COQ8B: variants seen among roughly 807,000 people sequenced by gnomAD.
COQ8B encodes the protein coenzyme Q8B.
COQ8B carries 44 observed loss-of-function variants against 62.0 expected under a neutral mutation model. That is an observed-to-expected ratio of 0.71 (90% confidence interval 0.56 to 0.91). The LOEUF is 0.91. COQ8B is among the 40% of genes least tolerant of loss of function. The pLI is 0.00. For missense variants in COQ8B, 649 were observed against 731.6 expected (o/e 0.89, Z 1.30); for synonymous variants, 252 against 289.9 (o/e 0.87, Z 1.33).
Position 40,692,939 on chromosome 19 carries a change from G to A in COQ8B, c.1296+12C>T, listed in dbSNP as rs2081985585. 5 of 1,612,910 alleles carry A rather than the reference G, an allele frequency of 3.1e-6. No homozygotes were observed. The highest frequency in any genetic ancestry group is 3.4e-6 in the Non-Finnish European group (4 of 1,179,244). ...CAGACACCAGCCCCTTTCTCCCCCA[G>A]TGTCTCCCCACCTTGGTTTCAAAGC... is the stretch of plus-strand genomic sequence containing the variant. On this transcript the variant is annotated intron_variant, in intron 14 of 14. Coordinates refer to ENST00000324464, the MANE Select transcript of COQ8B (RefSeq NM_024876.4).
At chr19:40,699,029 G>T (rs562862043) in intron 12 of COQ8B, among the ~76,000 whole-genome samples, 1 of 150,686 alleles carries the variant, frequency 6.6e-6, no homozygotes, top group Admixed American at 6.6e-5. Context: ...GCCCAGGCTG[G>T]TTTTAAATTC....
At chr19:40,708,983 C>A (rs938595477) in intron 5 of COQ8B, among the ~76,000 whole-genome samples, 1 of 151,868 alleles carries the variant, frequency 6.6e-6, no homozygotes, top group Non-Finnish European at 1.5e-5. Context: ...TGCATAATAT[C>A]GTGAACACCT....
intron 12 of COQ8B, among the ~76,000 whole-genome samples, chr19:40,697,061 AT>A (rs368115549): frequency 6.7e-6 from 1 of 149,414 alleles, no homozygotes; most frequent in Non-Finnish European, 1.5e-5. Context: ...GTTGTTTCTG[AT>A]TTTTTTTCCT....
rs201750662 is a variant in COQ8B, at chr19:40,702,487, AAG to A, written c.893+111_893+112del. On this transcript the variant is annotated intron_variant, in intron 10 of 14. Transcript: ENST00000324464. ...GGATGGATGAACAATGATTGAAAGAAAGAGAGAGTTTGCCCTACCCCACAGCT... is the reference window on the plus strand; with the variant it reads ...GGATGGATGAACAATGATTGAAAGAAAGAGAGTTTGCCCTACCCCACAGCT... 39,229 of 949,872 alleles carry A rather than the reference AAG, an allele frequency of 0.041. 1,013 individuals are homozygous for A. Among genetic ancestry groups the A allele is most frequent in the Non-Finnish European group, 0.053 (31,387 of 587,990 alleles). The allele number at this position is 949,872 out of a possible 1,614,324, so 58.8% of individuals were successfully genotyped here.
intron 5 of COQ8B, among the ~76,000 whole-genome samples, chr19:40,706,748 C>T (rs1339960479): frequency 6.6e-6 from 1 of 152,232 alleles, no homozygotes; most frequent in Non-Finnish European, 1.5e-5. Context: ...GCGTAAGCCA[C>T]CGCACCTGGC....
Position 40,703,685 on chromosome 19 carries a change from G to A in COQ8B, c.717+30C>T, listed in dbSNP as rs760966177. 12 of 1,613,780 alleles carry A rather than the reference G, an allele frequency of 7.4e-6. 1 individual carries two copies. Among genetic ancestry groups the A allele is most frequent in the Middle Eastern group, 1.6e-4 (1 of 6,084 alleles). ...ACTTCTCTGGGCTAGCAGGGTGCCC[G>A]CCCCTACCCTGCCCAGCCTCCCCTC... is the stretch of plus-strand genomic sequence containing the variant. On this transcript the variant is annotated intron_variant, in intron 8 of 14. Coordinates refer to ENST00000324464, the MANE Select transcript of COQ8B (RefSeq NM_024876.4).
intron 13 of COQ8B, among the ~76,000 whole-genome samples, chr19:40,694,471 G>A (rs1466600170): frequency 6.6e-6 from 1 of 152,170 alleles, no homozygotes; most frequent in East Asian, 1.9e-4. Context: ...TCGTCACTGT[G>A]CTGCCCCCCG....
At chr19:40,710,748 C>T (rs891040015) in intron 4 of COQ8B, among the ~76,000 whole-genome samples, 5 of 152,180 alleles carry the variant, frequency 3.3e-5, no homozygotes, top group Non-Finnish European at 5.9e-5. Flanking sequence ...AGACTCCACT[C>T]CCCAAATTCT....
At chr19:40,712,427 A>AC (rs1312576255) in intron 4 of COQ8B, among the ~76,000 whole-genome samples, 18 of 151,674 alleles carry the variant, frequency 1.2e-4, no homozygotes, top group African/African-American at 4.4e-4. Flanking sequence ...AAAAAAAAAA[A>AC]AACAACAAAA....
chr19:40,706,335 C>T (rs188371401), intron 5 of COQ8B, among the ~76,000 whole-genome samples: 70 of 152,332 alleles, frequency 4.6e-4, no homozygotes, highest in African/African-American at 1.7e-3. Flanking sequence ...TTATTTTCCC[C>T]TTTCTGCTCT....
At position 40,694,809 on chromosome 19, in the gene COQ8B, C is replaced by T. The variant is rs537058968; in HGVS notation, c.1209+1180G>A. 5.3e-5 allele frequency among the ~76,000 whole-genome samples: 8 copies of T among 152,308 alleles called. No individual in the cohort carries two copies. The South Asian group carries it at 1.4e-3, about 28-fold the overall frequency. ...GTCTCAATGCTGACACTCCCTCCTC[C>T]GGGAAGCCCTCCTTGGCTCCCCAGG... On this transcript the variant is annotated intron_variant, in intron 13 of 14. Coordinates refer to ENST00000324464, the MANE Select transcript of COQ8B (RefSeq NM_024876.4).
Position 40,714,259 on chromosome 19 carries a change from TG to T in COQ8B, c.222+18del. ...GCAGTATTCGTGGGGTGTTGCTGGG[TG>T]GGTGGGGGTAATGATACCTGGGGCC... On this transcript the variant is annotated intron_variant, in intron 3 of 14. Coordinates refer to ENST00000324464, the MANE Select transcript of COQ8B (RefSeq NM_024876.4). The T allele has an allele frequency of 6.3e-7, 1 of 1,582,370 alleles. No homozygotes were observed. The highest frequency in any genetic ancestry group is 8.6e-7 in the Non-Finnish European group (1 of 1,160,238).
chr19:40,704,214 C>CT (rs2082083441), intron 7 of COQ8B: 1 of 184,922 alleles, frequency 5.4e-6, no homozygotes, highest in Admixed American at 5.7e-5. Context: ...TAGTGGCACT[C>CT]TCACGGCTCA....
At chr19:40,702,996 G>A (rs1021558767) in intron 9 of COQ8B, among the ~76,000 whole-genome samples, 1 of 151,898 alleles carries the variant, frequency 6.6e-6, no homozygotes, top group Non-Finnish European at 1.5e-5. Flanking sequence ...GGTTCCCCGG[G>A]GTCTTCCGAA....
In COQ8B at chr19:40,708,598, C is replaced by T. The variant is rs113945842; in HGVS notation, c.367+1461G>A. Among the ~76,000 whole-genome samples, 660 of 151,028 alleles carry T rather than the reference C, an allele frequency of 4.4e-3. 5 individuals are homozygous for T. Among genetic ancestry groups the T allele is most frequent in the African/African-American group, 0.016 (642 of 41,130 alleles). On this transcript the variant is annotated intron_variant, in intron 5 of 14. Coordinates refer to ENST00000324464, the MANE Select transcript of COQ8B (RefSeq NM_024876.4). ...AGACTCAGGCTGGTCATACCCAAAC[C>T]CTAATCCTCCACCTACCCTCAACTT...
rs201827222 is a variant in COQ8B, at chr19:40,703,573, G to A, written c.767C>T (p.Ala256Val). The A allele has an allele frequency of 4.3e-6, 7 of 1,609,776 alleles. No homozygotes were observed. Among genetic ancestry groups the A allele is most frequent in the African/African-American group, 4.0e-5 (3 of 75,014 alleles). Residue 256 changes from alanine (A) to valine (V), a missense_variant, in exon 9 of 15, where the codon GCG (alanine) becomes GTG (valine). Ala to Val is a moderately conservative substitution (Grantham distance 64). Coordinates refer to ENST00000324464, the MANE Select transcript of COQ8B (RefSeq NM_024876.4). ...SIQSDVQNLLAVLKMSAALPA... is the reference protein window; with the variant it reads ...SIQSDVQNLLVVLKMSAALPA... ...CAGGGCCGCGCTCATCTTGAGTACC[G>A]CCAGCAGGTTCTGGACATCGCTCTG... is the stretch of plus-strand genomic sequence containing the variant.
At position 40,700,114 on chromosome 19, in the gene COQ8B, T is replaced by C. The variant is rs2082049633; in HGVS notation, c.1096A>G (p.Thr366Ala). The C allele has an allele frequency of 6.2e-7, 1 of 1,614,112 alleles. No individual in the cohort carries two copies. Among genetic ancestry groups the C allele is most frequent in the African/African-American group, 1.3e-5 (1 of 74,940 alleles). The change falls in exon 12 of 15, where the codon ACT (threonine) becomes GCT (alanine). Residue 366 changes from threonine to alanine, a missense_variant. Coordinates refer to ENST00000324464, the MANE Select transcript of COQ8B (RefSeq NM_024876.4). ...RELFEFRFMQ[T>A]DPNWANFLYD... Reference sequence around the variant, plus strand: ...AGGAAGTTGGCCCAGTTGGGGTCAGTCTGCATGAATCGGAACTCAAACAGC... The same window carrying C: ...AGGAAGTTGGCCCAGTTGGGGTCAGCCTGCATGAATCGGAACTCAAACAGC...
At position 40,700,167 on chromosome 19, in the gene COQ8B, A is replaced by T. The variant is rs375860406; in HGVS notation, c.1043T>A (p.Phe348Tyr). Residue 348 changes from phenylalanine to tyrosine, a missense_variant, in exon 12 of 15, where the codon TTC becomes TAC. Transcript: ENST00000324464. Reference sequence around the variant, plus strand: ...CCGCAGACACAGCGTCAGGAGCTGGAAGCAAATCTGGGGTGGGGAGAATTA... The same window carrying T: ...CCGCAGACACAGCGTCAGGAGCTGGTAGCAAATCTGGGGTGGGGAGAATTA... ...LSQDLRNQIC[F>Y]QLLTLCLREL... 13 of 1,614,106 alleles carry T rather than the reference A, an allele frequency of 8.1e-6. No homozygotes were observed. The highest frequency in any genetic ancestry group is 1.0e-5 in the Non-Finnish European group (12 of 1,180,034).
rs997958414 is a variant in COQ8B at position 40,692,122 on chromosome 19, G to A, written c.1548C>T (p.Tyr516=). Residue 516 remains tyrosine (Y), a synonymous_variant, in exon 15 of 15, where the codon TAC becomes TAT. Transcript: ENST00000324464. ...IACRDLFQDT[Y]HRYWASRQPD... ...GCTGGCGACTGGCCCAGTAGCGGTG[G>A]TAGGTGTCCTGGAAGAGGTCCCTGC... 6.2e-7 allele frequency: 1 copy of A among 1,607,200 alleles called. No individual in the cohort carries two copies. Among genetic ancestry groups the A allele is most frequent in the Non-Finnish European group, 8.5e-7 (1 of 1,177,154 alleles).
Sources: gnomAD v4.1 joint callset for allele counts (sites outside exome capture counted in the v4.1 genomes callset) on GRCh38, gnomAD v4.1.1 for gene constraint, MANE v1.5 for transcripts, NCBI Gene and HGNC (gene_info 2026-07-23, HGNC 2026-07-21) for gene names.